EYS: variants seen among roughly 807,000 people sequenced by gnomAD.
EYS encodes the protein protein eyes shut homolog.
In EYS, 250 loss-of-function variants were observed where a neutral mutation model predicts 282.1. That is an observed-to-expected ratio of 0.89 (90% CI 0.80 to 0.98). EYS has a LOEUF of 0.98. Among genes scored for constraint, EYS ranks in the 50% least tolerant of loss-of-function variants. EYS has a pLI of 0.00. For missense variants in EYS, 4,016 were observed against 3,709.0 expected (o/e 1.08, Z -2.15); for synonymous variants, 1,355 against 1,282.9 (o/e 1.06, Z -1.20).
At chr6:64,575,360 T>C (rs1765849646) in intron 26 of EYS, among the ~76,000 whole-genome samples, 2 of 152,136 alleles carry the variant, frequency 1.3e-5, no homozygotes, top group South Asian at 4.1e-4. Context: ...GTTTCTACAC[T>C]TGAAGTTTCT....
At chr6:64,471,956 C>T (rs1205343360) in intron 26 of EYS, among the ~76,000 whole-genome samples, 1 of 143,034 alleles carries the variant, frequency 7.0e-6, no homozygotes, top group Non-Finnish European at 1.5e-5. Flanking sequence ...GAGCTAGAAG[C>T]AAAAACTGAA....
chr6:65,374,175 C>T (rs115345770), intron 8 of EYS, among the ~76,000 whole-genome samples: 2,847 of 152,198 alleles, frequency 0.019, 75 homozygotes, highest in African/African-American at 0.066. Flanking sequence ...TCTGTATTTC[C>T]AACTGAGGTA....
chr6:64,631,131 A>G (rs1324550520), intron 22 of EYS: 1 of 152,174 alleles, frequency 6.6e-6, no homozygotes, highest in African/African-American at 2.4e-5. Flanking sequence ...AGACAAGTTG[A>G]TTTTGCAGCA....
chr6:65,342,789 T>A (rs1390113129), intron 10 of EYS, among the ~76,000 whole-genome samples: 2 of 150,750 alleles, frequency 1.3e-5, no homozygotes, highest in Non-Finnish European at 3.0e-5. Flanking sequence ...TTGCGTATTT[T>A]CTTGAGTCTA....
chr6:63,903,114 C>G (rs907229448), intron 35 of EYS, among the ~76,000 whole-genome samples: 1 of 151,968 alleles, frequency 6.6e-6, no homozygotes, highest in Non-Finnish European at 1.5e-5. Flanking sequence ...ATATTTTTTG[C>G]CAGACTAGGT....
intron 2 of EYS, among the ~76,000 whole-genome samples, chr6:65,522,496 G>A (rs1340465422): frequency 1.3e-5 from 2 of 152,076 alleles, no homozygotes; most frequent in African/African-American, 4.8e-5. Context: ...TGTGTGGAGT[G>A]GGGTGGAGAT....
At chr6:64,669,562 A>C (rs751799340) in intron 22 of EYS, among the ~76,000 whole-genome samples, 5 of 152,178 alleles carry the variant, frequency 3.3e-5, no homozygotes, top group Non-Finnish European at 5.9e-5. Flanking sequence ...AATTTTCTGT[A>C]ATGTTCCTTA....
chr6:65,596,692 T>C (rs1765418498), intron 2 of EYS, among the ~76,000 whole-genome samples: 1 of 151,988 alleles, frequency 6.6e-6, no homozygotes, highest in Non-Finnish European at 1.5e-5. Flanking sequence ...TAATGCCAAA[T>C]ATGTCAGTAG....
intron 15 of EYS, 104 bp downstream of exon 15, chr6:64,945,689 T>C: frequency 3.7e-6 from 4 of 1,085,918 alleles, no homozygotes; most frequent in Non-Finnish European, 5.1e-6. Flanking sequence ...TGGATGGTTA[T>C]TTTAATTAAA....
chr6:64,830,581 T>C (rs2150027719), intron 19 of EYS, among the ~76,000 whole-genome samples: 1 of 151,952 alleles, frequency 6.6e-6, no homozygotes, highest in Middle Eastern at 3.4e-3. Context: ...GTAATATAAT[T>C]TGCACAGGAG....
At chr6:65,677,816 A>G (rs974860479) in intron 1 of EYS, among the ~76,000 whole-genome samples, 1 of 152,090 alleles carries the variant, frequency 6.6e-6, no homozygotes, top group Non-Finnish European at 1.5e-5. Context: ...AGTAAGCAAA[A>G]TAACATGATA....
At chr6:64,923,721 C>T (rs1768425352) in intron 15 of EYS, among the ~76,000 whole-genome samples, 1 of 152,154 alleles carries the variant, frequency 6.6e-6, no homozygotes, top group South Asian at 2.1e-4. Context: ...GGTTACAGGG[C>T]CCATGCAAGT....
At chr6:65,486,418 C>T (rs1029310384) in intron 5 of EYS, among the ~76,000 whole-genome samples, 2 of 152,068 alleles carry the variant, frequency 1.3e-5, no homozygotes, top group African/African-American at 2.4e-5. Context: ...ACAGAATGCT[C>T]TAGCTGCATC....
chr6:64,355,198 T>C (rs1012547854), intron 29 of EYS, among the ~76,000 whole-genome samples: 3 of 151,622 alleles, frequency 2.0e-5, no homozygotes, highest in Non-Finnish European at 4.4e-5. Flanking sequence ...AATTTCCCGA[T>C]TGTGTGTATA....
chr6:65,121,272 G>A (rs760121570), intron 12 of EYS, among the ~76,000 whole-genome samples: 1 of 152,108 alleles, frequency 6.6e-6, no homozygotes, highest in Non-Finnish European at 1.5e-5. Flanking sequence ...TAAGGGAACA[G>A]TCTTCTCTGT....
At chr6:65,553,001 C>T (rs192244625) in intron 2 of EYS, among the ~76,000 whole-genome samples, 87 of 152,238 alleles carry the variant, frequency 5.7e-4, no homozygotes, top group African/African-American at 2.0e-3. Flanking sequence ...TTCAAATCGG[C>T]ACTTTGGTTT....
chr6:65,400,319 A>C (rs2150362408), intron 7 of EYS, among the ~76,000 whole-genome samples: 1 of 152,074 alleles, frequency 6.6e-6, no homozygotes, highest in East Asian at 1.9e-4. Context: ...AATTTTCCAA[A>C]GTATTCACAT....
chr6:64,876,624 G>T (rs184632339), intron 19 of EYS, among the ~76,000 whole-genome samples: 322 of 152,198 alleles, frequency 2.1e-3, no homozygotes, highest in African/African-American at 7.6e-3. Flanking sequence ...GACTTATTAG[G>T]AAGTGCTAAT....
chr6:64,496,482 G>T (rs560594872), intron 26 of EYS, among the ~76,000 whole-genome samples: 1 of 151,894 alleles, frequency 6.6e-6, no homozygotes, highest in African/African-American at 2.4e-5. Flanking sequence ...TAAGAAGAAT[G>T]TCTCTGTGTC....
Sources: gnomAD v4.1 joint callset for allele counts (sites outside exome capture counted in the v4.1 genomes callset) on GRCh38, gnomAD v4.1.1 for gene constraint, MANE v1.5 for transcripts, NCBI Gene and HGNC (gene_info 2026-07-23, HGNC 2026-07-21) for gene names.